Variants in DDX42 observed in about 807,000 individuals in gnomAD.
DDX42 encodes the protein DEAD-box helicase 42, also known as ATP-dependent RNA helicase DDX42.
A neutral mutation model predicts 101.5 loss-of-function variants in DDX42; 22 were observed. The ratio of observed to expected loss-of-function variants is 0.22; its 90% CI spans 0.15 to 0.31. DDX42 has a LOEUF of 0.31. Ranked by LOEUF, DDX42 falls within the 10% of genes least tolerant of loss-of-function variation. The probability of loss-of-function intolerance (pLI) is 1.00; values close to 1 mark genes in which losing one functional copy is unlikely to be tolerated. For synonymous variants in DDX42, 402 were observed against 401.2 expected (o/e 1.00, Z -0.02); for missense variants, 849 against 1,199.9 (o/e 0.71, Z 4.32).
At position 63,787,064 on chromosome 17, in the gene DDX42, A is replaced by T; in HGVS notation, c.15A>T (p.Lys5Asn). The T allele has an allele frequency of 1.2e-6, 2 of 1,614,182 alleles. No individual in the cohort carries two copies. Among genetic ancestry groups the T allele is most frequent in the Non-Finnish European group, 1.7e-6 (2 of 1,180,022 alleles). The change falls in exon 2 of 18, where the codon AAA becomes AAT. Residue 5 changes from lysine (K) to asparagine (N), a missense_variant. This residue lies in a region of DDX42 where 92 missense variants were observed against 106.7 expected (regional missense o/e 0.86). Coordinates refer to ENST00000389924, the MANE Select transcript of DDX42 (RefSeq NM_203499.3). The part of the protein sequence containing the change: MNWN[K>N]GGPGTKRGFG... ...TCATTGGCACCATGAACTGGAATAA[A>T]GGTGGTCCTGGCACTAAGCGAGGAT... is the stretch of plus-strand genomic sequence containing the variant.
chr17:63,815,698 G>A, intron 16 of DDX42, 25 bp downstream of exon 16: 1 of 1,477,296 alleles, frequency 6.8e-7, no homozygotes, highest in Non-Finnish European at 9.4e-7. Context: ...CTACAGTAGT[G>A]CCTTTATAGT....
rs781137481 is a variant in DDX42 at position 63,805,108 on chromosome 17, A to T, written c.659A>T (p.Glu220Val). Reference protein sequence around the residue: ...YPPFEKNFYNEHEEITNLTPQ... With the variant: ...YPPFEKNFYNVHEEITNLTPQ... ...CCATTTGAAAAAAACTTTTACAATGAGCATGAAGAGATAACCAACCTCACT... is the reference window on the plus strand; with the variant it reads ...CCATTTGAAAAAAACTTTTACAATGTGCATGAAGAGATAACCAACCTCACT... The change falls in exon 7 of 18, where the codon GAG becomes GTG. Residue 220 changes from glutamate (E) to valine (V), a missense_variant. This residue lies in a region of DDX42 where 370 missense variants were observed against 608.8 expected (regional missense o/e 0.61). Coordinates refer to ENST00000389924, the MANE Select transcript of DDX42 (RefSeq NM_203499.3). The T allele has an allele frequency of 6.2e-7, 1 of 1,612,922 alleles. No homozygotes were observed. The highest frequency in any genetic ancestry group is 1.7e-5 in the Admixed American group (1 of 59,714).
At chr17:63,815,499 C>G (rs927791187) in intron 15 of DDX42, 64 bp from the exon 16 acceptor site, 4 of 1,264,222 alleles carry the variant, frequency 3.2e-6, no homozygotes, top group Non-Finnish European at 4.5e-6. Flanking sequence ...CCTCTTTGTC[C>G]TCGTTCTCTT....
chr17:63,786,660 C>T (rs927121201), intron 1 of DDX42, among the ~76,000 whole-genome samples: 1 of 152,004 alleles, frequency 6.6e-6, no homozygotes, highest in East Asian at 1.9e-4. Context: ...AAGAGACATA[C>T]AACTCAGTGG....
At position 63,814,843 on chromosome 17, in the gene DDX42, C is replaced by T. The variant is rs564986049; in HGVS notation, c.1903-720C>T. ...CAGCTGGGATTAGAGGCATGTGCCA[C>T]CATGCCTGGCTAATTTTTGTATTTT... On this transcript the variant is annotated intron_variant, in intron 15 of 17. Transcript: ENST00000389924. 2.2e-4 allele frequency among the ~76,000 whole-genome samples: 33 copies of T among 152,174 alleles called. 1 individual carries two copies. Among genetic ancestry groups the T allele is most frequent in the Admixed American group, 1.8e-3 (27 of 15,296 alleles).
intron 2 of DDX42, among the ~76,000 whole-genome samples, chr17:63,789,060 A>G (rs1391117435): frequency 6.6e-6 from 1 of 150,640 alleles, no homozygotes; most frequent in Non-Finnish European, 1.5e-5. Flanking sequence ...ATGCCACCAT[A>G]CCCTGCTAAT....
At position 63,811,104 on chromosome 17, in the gene DDX42, G is replaced by A; in HGVS notation, c.1329G>A (p.Lys443=). 1 of 1,614,096 alleles carries A rather than the reference G, an allele frequency of 6.2e-7. No homozygotes were observed. The highest frequency in any genetic ancestry group is 1.1e-5 in the South Asian group (1 of 91,072). ...TCTTATTTAGTGCAACTTTTCGGAA[G>A]AAGATTGAAAAGTTGGCCAGAGACA... ...QTLLFSATFR[K]KIEKLARDIL... Residue 443 remains lysine (K), a synonymous_variant, in exon 13 of 18, where the codon AAG becomes AAA. Coordinates refer to ENST00000389924, the MANE Select transcript of DDX42 (RefSeq NM_203499.3).
intron 1 of DDX42, among the ~76,000 whole-genome samples, chr17:63,776,823 G>T (rs922620171): frequency 6.6e-6 from 1 of 152,116 alleles, no homozygotes; most frequent in African/African-American, 2.4e-5. Context: ...TAACTTCCCT[G>T]AGGTTCATAT....
intron 2 of DDX42, among the ~76,000 whole-genome samples, chr17:63,790,427 C>T (rs7207569): frequency 6.6e-6 from 1 of 151,960 alleles, no homozygotes; most frequent in South Asian, 2.1e-4. Context: ...AAGTTTGAGA[C>T]CAGCCTGGAC....
At chr17:63,812,279 C>G (rs1016640582) in intron 14 of DDX42, 71 bp downstream of exon 14, 2 of 1,513,430 alleles carry the variant, frequency 1.3e-6, no homozygotes, top group Non-Finnish European at 1.8e-6. Context: ...TACATAAGAC[C>G]TATAATATCT....
At chr17:63,775,477 G>T (rs952468237) in intron 1 of DDX42, among the ~76,000 whole-genome samples, 1 of 152,184 alleles carries the variant, frequency 6.6e-6, no homozygotes, top group African/African-American at 2.4e-5. Context: ...AAGCTGGAAA[G>T]GGGGTTGGGG....
At position 63,811,919 on chromosome 17, in the gene DDX42, T is replaced by A; in HGVS notation, c.1399-13T>A. On this transcript the variant is annotated splice_polypyrimidine_tract_variant and intron_variant, in intron 13 of 17. Transcript: ENST00000389924. Reference sequence around the variant, plus strand: ...CAATGTCACAATCATCTGTTTCATTTCTTCCTTCTCAGGCAAATGAAGATG... The same window carrying A: ...CAATGTCACAATCATCTGTTTCATTACTTCCTTCTCAGGCAAATGAAGATG... 6.2e-7 allele frequency: 1 copy of A among 1,614,228 alleles called. No individual in the cohort carries two copies.
Position 63,813,250 on chromosome 17 carries a change from A to C in DDX42, c.1698A>C (p.Ser566=), listed in dbSNP as rs983858514. The C allele has an allele frequency of 8.1e-6, 13 of 1,609,424 alleles. No homozygotes were observed. Among genetic ancestry groups the C allele is most frequent in the Non-Finnish European group, 1.1e-5 (13 of 1,176,196 alleles). The part of the protein sequence containing the change: ...DVAARGLDIP[S]IKTVINYDVA... ...CAGCCCGTGGTCTGGACATTCCTTC[A>C]ATTAAGACTGTCATTAACTATGATG... Residue 566 remains serine, a synonymous_variant, in exon 15 of 18, where the codon TCA becomes TCC. Coordinates refer to ENST00000389924, the MANE Select transcript of DDX42 (RefSeq NM_203499.3).
Position 63,817,989 on chromosome 17 carries a change from G to A in DDX42, c.2408G>A (p.Ser803Asn). The A allele has an allele frequency of 1.2e-6, 2 of 1,614,186 alleles. No homozygotes were observed. The highest frequency in any genetic ancestry group is 2.2e-5 in the East Asian group (1 of 44,892). ...AACAGCCGAGAAGGGACTGGGGGCAGCAACGGGAAAAGAGAGAGATATACT... is the reference window on the plus strand; with the variant it reads ...AACAGCCGAGAAGGGACTGGGGGCAACAACGGGAAAAGAGAGAGATATACT... ...GNNSREGTGGSNGKRERYTEN... is the reference protein window; with the variant it reads ...GNNSREGTGGNNGKRERYTEN... The change falls in exon 18 of 18, where the codon AGC (serine) becomes AAC (asparagine). Residue 803 changes from serine to asparagine, a missense_variant. Physicochemically the swap from Ser to Asn is conservative, Grantham distance 46 (BLOSUM62 1). This residue lies in a region of DDX42 where 300 missense variants were observed against 304.9 expected (regional missense o/e 0.98). Transcript: ENST00000389924.
In DDX42 at chr17:63,817,555, C is replaced by T. The variant is rs1598345805; in HGVS notation, c.2113-139C>T. ...TAGCACAAGAACAAAAGGGACCATA[C>T]TGTGGGGCCATCAGGACACTAAACT... On this transcript the variant is annotated intron_variant, in intron 17 of 17. Coordinates refer to ENST00000389924, the MANE Select transcript of DDX42 (RefSeq NM_203499.3). 6.5e-6 allele frequency: 5 copies of T among 768,822 alleles called. No individual in the cohort carries two copies. The East Asian group carries it at 1.1e-4, about 17-fold the overall frequency. 47.6% of individuals were successfully genotyped at this position (768,822 alleles called of 1,614,324 possible). A position where few individuals can be genotyped will look rare whatever the true frequency, so the allele number is the denominator to read the frequency against.
chr17:63,792,199 C>G (rs11659013), intron 2 of DDX42, among the ~76,000 whole-genome samples: 42,479 of 151,968 alleles, frequency 0.28, 6,313 homozygotes, highest in African/African-American at 0.37. Flanking sequence ...AATGGAGAAT[C>G]TCTTGTGATT....
intron 3 of DDX42, among the ~76,000 whole-genome samples, chr17:63,796,409 C>T (rs1445389094): frequency 2.0e-5 from 3 of 152,156 alleles, no homozygotes; most frequent in Non-Finnish European, 1.5e-5. Flanking sequence ...TCCCGGGTCC[C>T]GGGTTCAAGC....
intron 15 of DDX42, among the ~76,000 whole-genome samples, chr17:63,814,846 TG>T (rs1353981202): frequency 2.6e-5 from 4 of 152,044 alleles, no homozygotes; most frequent in Admixed American, 1.3e-4. Context: ...TGTGCCACCA[TG>T]CCTGGCTAAT....
chr17:63,784,374 A>G (rs1365691158), intron 1 of DDX42, among the ~76,000 whole-genome samples: 2 of 152,234 alleles, frequency 1.3e-5, no homozygotes, highest in Non-Finnish European at 2.9e-5. Context: ...GTCTCTGTAT[A>G]TATAACTCAT....
Sources: allele counts gnomAD v4.1 joint callset (sites outside exome capture counted in the v4.1 genomes callset), GRCh38; gene constraint gnomAD v4.1.1; regional missense constraint gnomAD v4.1.1; transcripts MANE v1.5; gene names NCBI Gene and HGNC (gene_info 2026-07-23, HGNC 2026-07-21).